The following HOOK3 variants were observed in gnomAD, a reference collection of about 807,000 sequenced individuals.
HOOK3 encodes the protein hook microtubule tethering protein 3.
In HOOK3, 24 loss-of-function variants were observed where a neutral mutation model predicts 116.3. The observed-to-expected ratio is 0.21, with a 90% CI of 0.15 to 0.29. The LOEUF (loss-of-function observed/expected upper bound fraction) is 0.29. Among genes scored for constraint, HOOK3 ranks in the 10% least tolerant of loss-of-function variants. The pLI is 1.00. For missense variants in HOOK3, 632 were observed against 830.2 expected (o/e 0.76, Z 2.93); for synonymous variants, 275 against 283.0 (o/e 0.97, Z 0.28).
intron 2 of HOOK3, among the ~76,000 whole-genome samples, chr8:42,924,083 AACAT>A (rs1807714868): frequency 6.6e-6 from 1 of 152,146 alleles, no homozygotes; most frequent in Non-Finnish European, 1.5e-5. Context: ...TAAAAGTTGA[AACAT>A]ACATTTTTTT....
intron 6 of HOOK3, among the ~76,000 whole-genome samples, chr8:42,956,784 A>G (rs1481070320): frequency 6.6e-6 from 1 of 152,070 alleles, no homozygotes; most frequent in Non-Finnish European, 1.5e-5. Context: ...GGGTTTCTCC[A>G]TGTTGGTCAG....
intron 15 of HOOK3, 50 bp from the exon 16 acceptor site, chr8:42,997,500 A>AGGC: frequency 9.2e-7 from 1 of 1,085,620 alleles, no homozygotes; most frequent in Non-Finnish European, 1.4e-6. Context: ...TAGGGAAAAA[A>AGGC]GGCATACGTA....
chr8:43,023,537 C>CT lies in HOOK3; in HGVS notation c.*5040dup. The CT allele has an allele frequency of 5.8e-6, 1 of 172,408 alleles. No homozygotes were observed. The highest frequency in any genetic ancestry group is 1.1e-4 in the East Asian group (1 of 9,388). The allele number at this position is 172,408 out of a possible 1,614,324, so 10.7% of individuals were successfully genotyped here. A position where few individuals can be genotyped will look rare whatever the true frequency, so the allele number is the denominator to read the frequency against. On this transcript the variant is annotated 3_prime_UTR_variant, in exon 22 of 22. Coordinates refer to ENST00000307602, the MANE Select transcript of HOOK3 (RefSeq NM_032410.4). ...GCACGATCCTGGCTGACTGCAAACT[C>CT]TGCCTACCAGGTTCAAGCGATTCTC...
chr8:42,999,822 GA>G (rs1435509846), intron 16 of HOOK3, among the ~76,000 whole-genome samples: 1 of 152,028 alleles, frequency 6.6e-6, no homozygotes, highest in Admixed American at 6.6e-5. Flanking sequence ...GGAGACGGTA[GA>G]AAAAAGAAAA....
intron 11 of HOOK3, among the ~76,000 whole-genome samples, chr8:42,971,358 C>T (rs1808724669): frequency 1.3e-5 from 2 of 152,110 alleles, no homozygotes; most frequent in African/African-American, 2.4e-5. Flanking sequence ...CCTCCACCTC[C>T]CAGGTTCAAG....
At chr8:42,972,250 G>T (rs1218412434) in intron 11 of HOOK3, among the ~76,000 whole-genome samples, 1 of 152,096 alleles carries the variant, frequency 6.6e-6, no homozygotes, top group Non-Finnish European at 1.5e-5. Flanking sequence ...TGGTCAATAT[G>T]TGTGTTTGTT....
intron 5 of HOOK3, among the ~76,000 whole-genome samples, chr8:42,947,663 T>C (rs1808254302): frequency 1.3e-5 from 2 of 152,218 alleles, no homozygotes; most frequent in Non-Finnish European, 2.9e-5. Context: ...AAGAATCAAG[T>C]ACATGAGTGT....
At chr8:42,959,575 C>T (rs1203344743) in intron 8 of HOOK3, among the ~76,000 whole-genome samples, 20 of 151,466 alleles carry the variant, frequency 1.3e-4, no homozygotes, top group Admixed American at 2.6e-4. Flanking sequence ...AAAAATTAGC[C>T]GGGTGTGATG....
chr8:42,943,499 A>G (rs1808167683), intron 5 of HOOK3, 54 bp downstream of exon 5: 2 of 1,119,820 alleles, frequency 1.8e-6, no homozygotes, highest in South Asian at 3.4e-5. Flanking sequence ...AAAGTAGTGT[A>G]TATTTTATAT....
At chr8:42,968,733 G>T (rs567202089) in intron 11 of HOOK3, among the ~76,000 whole-genome samples, 2 of 152,006 alleles carry the variant, frequency 1.3e-5, no homozygotes, top group South Asian at 2.1e-4. Flanking sequence ...TATTTAGTTA[G>T]TTATTTATTA....
chr8:42,970,161 T>C (rs1808701250), intron 11 of HOOK3, among the ~76,000 whole-genome samples: 1 of 152,188 alleles, frequency 6.6e-6, no homozygotes, highest in Non-Finnish European at 1.5e-5. Flanking sequence ...GGATAACCAG[T>C]CAGCCTACCA....
chr8:42,922,205 A>G (rs1395620186), intron 2 of HOOK3, among the ~76,000 whole-genome samples: 1 of 152,194 alleles, frequency 6.6e-6, no homozygotes, highest in African/African-American at 2.4e-5. Flanking sequence ...CTTCTTAGAT[A>G]TGACACAGAA....
At chr8:42,990,110 T>C (rs961748863) in intron 15 of HOOK3, among the ~76,000 whole-genome samples, 5 of 151,504 alleles carry the variant, frequency 3.3e-5, no homozygotes, top group African/African-American at 1.2e-4. Context: ...TGTCCTTCCA[T>C]GTCAGCCTCT....
chr8:42,955,364 T>C (rs752658140), intron 6 of HOOK3, among the ~76,000 whole-genome samples: 2 of 152,210 alleles, frequency 1.3e-5, no homozygotes, highest in African/African-American at 2.4e-5. Flanking sequence ...GTTCCCCATC[T>C]ATACCGTGGG....
At chr8:42,928,003 C>A (rs1807801599) in intron 3 of HOOK3, among the ~76,000 whole-genome samples, 1 of 152,018 alleles carries the variant, frequency 6.6e-6, no homozygotes, top group Non-Finnish European at 1.5e-5. Flanking sequence ...AAAAATTAGG[C>A]CCGGCATGAT....
chr8:43,007,811 AAGC>A, intron 17 of HOOK3, 33 bp from the exon 18 acceptor site: 1 of 1,310,888 alleles, frequency 7.6e-7, no homozygotes, highest in Non-Finnish European at 1.1e-6. Context: ...AAAATTACAG[AAGC>A]AGTAGTAGGT....
chr8:43,010,455 A>C (rs372973812), intron 19 of HOOK3, 50 bp downstream of exon 19: 2 of 603,412 alleles, frequency 3.3e-6, no homozygotes, highest in Non-Finnish European at 5.3e-6. Context: ...ATCACATTTC[A>C]GTGAAGTCTC....
rs563922561 is a variant in HOOK3 at position 43,004,540 on chromosome 8, G to A, written c.1655+2399G>A. Among the ~76,000 whole-genome samples the A allele has an allele frequency of 2.2e-4, 33 of 151,406 alleles. No individual in the cohort carries two copies. In the East Asian group the frequency reaches 5.8e-3, roughly 27 times the overall value. On this transcript the variant is annotated intron_variant, in intron 17 of 21. Coordinates refer to ENST00000307602, the MANE Select transcript of HOOK3 (RefSeq NM_032410.4). ...TACTAGAAATACAAAAATTAGCCAG[G>A]CATGGTGGCGCATGCCTGTAATCCC... is the stretch of plus-strand genomic sequence containing the variant.
chr8:42,911,691 G>A (rs752901092), intron 2 of HOOK3, among the ~76,000 whole-genome samples: 1 of 152,118 alleles, frequency 6.6e-6, no homozygotes, highest in African/African-American at 2.4e-5. Flanking sequence ...GACTCAAAAT[G>A]GTATATAAAA....
Sources: gnomAD v4.1 joint callset for allele counts (sites outside exome capture counted in the v4.1 genomes callset) on GRCh38, gnomAD v4.1.1 for gene constraint, MANE v1.5 for transcripts, NCBI Gene and HGNC (gene_info 2026-07-23, HGNC 2026-07-21) for gene names.